The following DCTD variants were observed in gnomAD, a reference collection of about 807,000 sequenced individuals.
DCTD encodes deoxycytidylate deaminase.
In DCTD, 23 loss-of-function variants were observed where a neutral mutation model predicts 21.0. The observed-to-expected ratio is 1.09, with a 90% CI of 0.79 to 1.55. The LOEUF (loss-of-function observed/expected upper bound fraction) is 1.55, where lower values mean the gene tolerates loss of function less well. DCTD is among the 40% of genes most tolerant of loss of function. The pLI, the probability that DCTD is intolerant of heterozygous loss-of-function variation, is 0.00. For missense variants in DCTD, 224 were observed against 230.0 expected (o/e 0.97, Z 0.17); for synonymous variants, 71 against 81.1 (o/e 0.88, Z 0.67).
At position 182,917,231 on chromosome 4, in the gene DCTD, G is replaced by A. The variant is rs1241398784; in HGVS notation, c.-8+80C>T. The A allele has an allele frequency of 1.0e-6, 1 of 999,792 alleles. No individual in the cohort carries two copies. Among genetic ancestry groups the A allele is most frequent in the South Asian group, 4.5e-5 (1 of 22,128 alleles). The allele number at this position is 999,792 out of a possible 1,614,324, so 61.9% of individuals were successfully genotyped here. On this transcript the variant is annotated intron_variant, in intron 1 of 5. Transcript: ENST00000438320. This position sits in a 1 kb window ranked among gnomAD's most constrained non-coding sequence, Gnocchi z 4.9. ...CCCCGCCCGGCAGCCAGCGCCCCGC[G>A]CCACGCGCTCGGGACGGTGCCACGC...
intron 3 of DCTD, among the ~76,000 whole-genome samples, chr4:182,899,405 C>CT (rs60007612): frequency 1.8e-4 from 25 of 139,134 alleles, no homozygotes; most frequent in Admixed American, 5.6e-4. Context: ...TTTTCTTTTT[C>CT]TTTTTTTTTT....
intron 3 of DCTD, among the ~76,000 whole-genome samples, chr4:182,895,435 T>C (rs529507064): frequency 7.4e-4 from 112 of 152,336 alleles, no homozygotes; most frequent in African/African-American, 2.5e-3. Flanking sequence ...GAGCTCTTGA[T>C]AGACCAGTGC....
At chr4:182,915,912 G>T in intron 1 of DCTD, 1 of 1,083,412 alleles carries the variant, frequency 9.2e-7, no homozygotes, top group Non-Finnish European at 1.1e-6. Context: ...GTCAGCACAG[G>T]AGGAGGGTGG....
intron 4 of DCTD, 23 bp from the exon 5 acceptor site, chr4:182,893,150 C>A (rs1470612909): frequency 2.1e-6 from 3 of 1,424,550 alleles, no homozygotes; most frequent in South Asian, 2.3e-5. Flanking sequence ...AATGGGAGCT[C>A]CCTTAGTGTA....
At chr4:182,908,682 CAAAA>C (rs34915632) in intron 3 of DCTD, among the ~76,000 whole-genome samples, 21 of 63,742 alleles carry the variant, frequency 3.3e-4, no homozygotes, top group Non-Finnish European at 5.9e-4. Flanking sequence ...GACTCTGTCT[CAAAA>C]AAAAAAAAAA....
chr4:182,909,370 T>C (rs953190827), intron 3 of DCTD, among the ~76,000 whole-genome samples: 1 of 152,200 alleles, frequency 6.6e-6, no homozygotes, highest in South Asian at 2.1e-4. Context: ...GCCCCTTGAT[T>C]CGTAAAAATA....
chr4:182,893,125 T>C lies in DCTD; in HGVS notation c.364A>G (p.Ile122Val), dbSNP rs760141198. ...TCAGACATGAAAATCACTTCTTTTA[T>C]ACCTGTAAGGTAACAATGGGAGCTC... ...ECAKLIIQAG[I>V]KEVIFMSDKY... The change falls in exon 5 of 6, where the codon ATA becomes GTA. Residue 122 changes from isoleucine (I) to valine (V), a missense_variant and splice_region_variant. Ile to Val is a conservative substitution (Grantham distance 29). Transcript: ENST00000438320. The C allele has an allele frequency of 1.1e-5, 18 of 1,590,132 alleles. No homozygotes were observed. The East Asian group carries it at 3.8e-4, about 34-fold the overall frequency.
intron 3 of DCTD, among the ~76,000 whole-genome samples, chr4:182,904,204 GT>G (rs1231924154): frequency 6.6e-6 from 1 of 152,154 alleles, no homozygotes; most frequent in East Asian, 1.9e-4. Flanking sequence ...TCTGACTGTG[GT>G]AAGGCCATTA....
chr4:182,914,174 A>AT, intron 3 of DCTD, among the ~76,000 whole-genome samples: 1 of 152,128 alleles, frequency 6.6e-6, no homozygotes, highest in East Asian at 1.9e-4. Context: ...CGCACAGCTA[A>AT]TTTTTGTATT....
chr4:182,902,199 G>GC (rs972960204), intron 3 of DCTD, among the ~76,000 whole-genome samples: 28 of 152,180 alleles, frequency 1.8e-4, no homozygotes, highest in African/African-American at 5.5e-4. Flanking sequence ...CGACAGTTAA[G>GC]CCCCCCACAA....
chr4:182,905,596 C>T (rs1364588850), intron 3 of DCTD, among the ~76,000 whole-genome samples: 1 of 152,048 alleles, frequency 6.6e-6, no homozygotes, highest in East Asian at 1.9e-4. Context: ...CAAAATGAGG[C>T]CTTCTTTCTT....
rs887692304 is a variant in DCTD, at chr4:182,890,841, T to C, written c.*558A>G. On this transcript the variant is annotated 3_prime_UTR_variant, in exon 6 of 6. Transcript: ENST00000438320. ...GTCTGTCAGGACAGATGTGCCACCC[T>C]ATCTCGGATTCCGGGAGGGTGGCTG... 6.5e-6 allele frequency: 1 copy of C among 152,844 alleles called. No individual in the cohort carries two copies. The highest frequency in any genetic ancestry group is 1.5e-5 in the Non-Finnish European group (1 of 68,506). 9.5% of individuals were successfully genotyped at this position (152,844 alleles called of 1,614,324 possible).
At chr4:182,906,463 T>C (rs1375681448) in intron 3 of DCTD, among the ~76,000 whole-genome samples, 1 of 152,182 alleles carries the variant, frequency 6.6e-6, no homozygotes, top group Non-Finnish European at 1.5e-5. Flanking sequence ...ATAAATGCCC[T>C]AGAAGTGTCT....
chr4:182,912,702 G>A (rs761043245), intron 3 of DCTD, among the ~76,000 whole-genome samples: 2 of 152,150 alleles, frequency 1.3e-5, no homozygotes, highest in African/African-American at 4.8e-5. Context: ...TCAGCTACAC[G>A]GGAAGTCAGG....
chr4:182,915,439 T>C, intron 2 of DCTD, 22 bp downstream of exon 2: 2 of 1,447,686 alleles, frequency 1.4e-6, no homozygotes, highest in Non-Finnish European at 1.9e-6. Flanking sequence ...TATCTAAGCA[T>C]TCTCCCGTGA....
intron 3 of DCTD, among the ~76,000 whole-genome samples, chr4:182,913,226 G>A (rs1039853282): frequency 3.3e-5 from 5 of 152,110 alleles, no homozygotes; most frequent in South Asian, 2.1e-4. Context: ...CACTACCACC[G>A]GCTCTGAAGC....
chr4:182,914,972 C>T lies in DCTD; in HGVS notation c.195G>A (p.Leu65=), dbSNP rs770578132. 2 of 1,614,204 alleles carry T rather than the reference C, an allele frequency of 1.2e-6. No homozygotes were observed. Among genetic ancestry groups the T allele is most frequent in the Non-Finnish European group, 1.7e-6 (2 of 1,180,034 alleles). Residue 65 remains leucine (L), a synonymous_variant, in exon 3 of 6, where the codon TTG becomes TTA. Transcript: ENST00000438320. ...GMPNGCSDDV[L]PWRRTAENKL... is the part of the protein sequence containing the mutation. ...TATTCTCTGCTGTCCTTCTCCAAGG[C>T]AACACGTCATCACTGCACCCATTTG... is the stretch of plus-strand genomic sequence containing the variant.
chr4:182,917,137 C>G lies in DCTD; in HGVS notation c.-8+174G>C. On this transcript the variant is annotated intron_variant, in intron 1 of 5. Transcript: ENST00000438320. The surrounding 1 kb of genome is among the most constrained non-coding windows in gnomAD (Gnocchi z 4.9). ...ACTGCGGGGACCCCGAGCGCCCCCA[C>G]CCCGCCCGCATTCTCCGATCTAAAG... 1.0e-6 allele frequency: 1 copy of G among 987,774 alleles called. No individual in the cohort carries two copies. Among genetic ancestry groups the G allele is most frequent in the Non-Finnish European group, 1.2e-6 (1 of 831,782 alleles). 61.2% of individuals were successfully genotyped at this position (987,774 alleles called of 1,614,324 possible). A position where few individuals can be genotyped will look rare whatever the true frequency, so the allele number is the denominator to read the frequency against.
Position 182,893,014 on chromosome 4 carries a change from G to C in DCTD, c.458+17C>G. 7 of 1,465,248 alleles carry C rather than the reference G, an allele frequency of 4.8e-6. No individual in the cohort carries two copies. The highest frequency in any genetic ancestry group is 1.4e-5 in the African/African-American group (1 of 71,370). The allele number at this position is 1,465,248 out of a possible 1,614,324, so 90.8% of individuals were successfully genotyped here. A position where few individuals can be genotyped will look rare whatever the true frequency, so the allele number is the denominator to read the frequency against. On this transcript the variant is annotated intron_variant, in intron 5 of 5. Transcript: ENST00000438320. ...TTCACCCTACCCCGTCCCCCCGCCC[G>C]CATTCTCCCCACTTACCGGAATGTC...
Sources: allele counts gnomAD v4.1 joint callset (sites outside exome capture counted in the v4.1 genomes callset), GRCh38; gene constraint gnomAD v4.1.1; non-coding constraint Gnocchi (gnomAD v3.1); transcripts MANE v1.5; gene names NCBI Gene and HGNC (gene_info 2026-07-23, HGNC 2026-07-21).